ARHGEF10: variants seen among roughly 807,000 people sequenced by gnomAD.
ARHGEF10 encodes the protein Rho guanine nucleotide exchange factor 10.
A neutral mutation model predicts 147.4 loss-of-function variants in ARHGEF10; 140 were observed. The observed-to-expected ratio is 0.95, with a 90% CI of 0.83 to 1.09. The LOEUF (loss-of-function observed/expected upper bound fraction) is 1.09, where lower values mean the gene tolerates loss of function less well. Ranked by LOEUF, ARHGEF10 falls within the 50% of genes least tolerant of loss-of-function variation. ARHGEF10 has a pLI of 0.00. For missense variants in ARHGEF10, 2,222 were observed against 1,752.7 expected, an observed-to-expected ratio of 1.27 and a Z score of -4.78; for synonymous variants, 902 against 695.8, an observed-to-expected ratio of 1.30 and a Z score of -4.67.
chr8:1,943,409 G>A (rs902855828), intron 26 of ARHGEF10, among the ~76,000 whole-genome samples: 1 of 152,144 alleles, frequency 6.6e-6, no homozygotes, highest in African/African-American at 2.4e-5. Context: ...TCAGGGAAGT[G>A]TGGGCCTGCA....
chr8:1,946,649 G>C (rs527690384), intron 27 of ARHGEF10, among the ~76,000 whole-genome samples: 3 of 152,190 alleles, frequency 2.0e-5, no homozygotes, highest in Non-Finnish European at 2.9e-5. Context: ...ATCCCACTGC[G>C]GGCAGGGCTT....
chr8:1,922,108 C>T lies in ARHGEF10; in HGVS notation c.2144-856C>T, dbSNP rs191964246. On this transcript the variant is annotated intron_variant, in intron 18 of 28. Transcript: ENST00000349830. The stretch of plus-strand genomic sequence containing the variant: ...AATCTGTCCTCTGAGCCTGTGGGCC[C>T]GTCGTGGGATTTAGTGAGGAAGTAT... 2.7e-3 allele frequency among the ~76,000 whole-genome samples: 404 copies of T among 152,020 alleles called. 3 individuals are homozygous for T. The highest frequency in any genetic ancestry group is 9.2e-3 in the African/African-American group (383 of 41,460).
chr8:1,952,711 A>G lies in ARHGEF10; in HGVS notation c.3404A>G (p.Gln1135Arg), dbSNP rs1450135407. 14 of 1,613,004 alleles carry G rather than the reference A, an allele frequency of 8.7e-6. No homozygotes were observed. Among genetic ancestry groups the G allele is most frequent in the African/African-American group, 1.3e-5 (1 of 75,058 alleles). ...TPVHNMLPGHQRLSVTSLLVC... is the reference protein window; with the variant it reads ...TPVHNMLPGHRRLSVTSLLVC... ...CTCATGTCTTTCCGCCCAGGGCACC[A>G]GCGGCTGTCGGTGACGAGCCTGCTC... The change falls in exon 28 of 29, where the codon CAG becomes CGG. Residue 1135 changes from glutamine (Q) to arginine (R), a missense_variant. Gln to Arg is a conservative substitution (Grantham distance 43, BLOSUM62 1). Transcript: ENST00000349830.
rs1208585787 is a variant in ARHGEF10 at position 1,948,958 on chromosome 8, G to A, written c.3397+3303G>A. Among the ~76,000 whole-genome samples, 3 of 151,968 alleles carry A rather than the reference G, an allele frequency of 2.0e-5. No individual in the cohort carries two copies. Among genetic ancestry groups the A allele is most frequent in the South Asian group, 2.1e-4 (1 of 4,812 alleles). ...CACACATGTCCTCTGTGCTCTGTTC[G>A]CACACACACAAAACCTTCATTCTAG... On this transcript the variant is annotated intron_variant, in intron 27 of 28. Coordinates refer to ENST00000349830, the MANE Select transcript of ARHGEF10 (RefSeq NM_014629.4). This position sits in a 1 kb window ranked among gnomAD's most constrained non-coding sequence, Gnocchi z 4.9.
chr8:1,825,541 G>T (rs549555605), intron 1 of ARHGEF10, among the ~76,000 whole-genome samples: 60 of 149,592 alleles, frequency 4.0e-4, no homozygotes, highest in African/African-American at 9.2e-4. Flanking sequence ...CAGCCCGCTG[G>T]TGCCCAAGAA....
chr8:1,843,487 C>G (rs769792880), intron 2 of ARHGEF10, 51 bp downstream of exon 2: 1 of 1,418,940 alleles, frequency 7.0e-7, no homozygotes, highest in South Asian at 1.2e-5. Context: ...CTGCTGCTCT[C>G]ATCAAGGACG....
At chr8:1,905,331 CT>C (rs1194167451) in intron 16 of ARHGEF10, among the ~76,000 whole-genome samples, 2 of 152,130 alleles carry the variant, frequency 1.3e-5, no homozygotes, top group African/African-American at 4.8e-5. Flanking sequence ...AAAACAATTC[CT>C]TGCATTCCTC....
chr8:1,882,613 C>A (rs1358374277), intron 9 of ARHGEF10, 22 bp from the exon 10 acceptor site: 2 of 1,547,066 alleles, frequency 1.3e-6, no homozygotes, highest in South Asian at 2.4e-5. Context: ...GTCCCGTTCT[C>A]ACATCTCCCT....
chr8:1,840,170 C>T (rs1435325160), intron 1 of ARHGEF10, among the ~76,000 whole-genome samples: 2 of 136,000 alleles, frequency 1.5e-5, no homozygotes, highest in Non-Finnish European at 3.1e-5. Flanking sequence ...GGTGTGCAAG[C>T]TGTCCGATAT....
intron 1 of ARHGEF10, among the ~76,000 whole-genome samples, chr8:1,833,303 G>A (rs1200734846): frequency 1.3e-4 from 15 of 119,204 alleles, no homozygotes; most frequent in Admixed American, 8.6e-4. Flanking sequence ...CAGAGACAGA[G>A]GCAGAGACAG....
In ARHGEF10 at chr8:1,871,448, TGAA is replaced by T. The variant is rs1807117520; in HGVS notation, c.679+2199_679+2201del. On this transcript the variant is annotated intron_variant, in intron 7 of 28. Coordinates refer to ENST00000349830, the MANE Select transcript of ARHGEF10 (RefSeq NM_014629.4). The stretch of plus-strand genomic sequence containing the variant: ...AAATGGAAATGAAAATATTTTGTCT[TGAA>T]TAATAATAAAAACATTACATAAACT... Among the ~76,000 whole-genome samples, 4 of 152,176 alleles carry T rather than the reference TGAA, an allele frequency of 2.6e-5. 1 individual carries two copies. In the South Asian group the frequency reaches 8.3e-4, roughly 32 times the overall value.
At chr8:1,945,335 T>C in intron 26 of ARHGEF10, 146 bp from the exon 27 acceptor site, 1 of 991,586 alleles carries the variant, frequency 1.0e-6, no homozygotes, top group Non-Finnish European at 1.5e-6. Context: ...GGTGTTTGGT[T>C]GCTGGAGACG....
intron 26 of ARHGEF10, among the ~76,000 whole-genome samples, chr8:1,943,214 T>G (rs899670017): frequency 5.9e-5 from 9 of 152,218 alleles, no homozygotes; most frequent in Admixed American, 5.9e-4. Context: ...CAGGCTTTTC[T>G]TCCTTTTCTT....
chr8:1,858,222 A>C (rs559487739), intron 3 of ARHGEF10, 107 bp downstream of exon 3: 10 of 1,048,910 alleles, frequency 9.5e-6, no homozygotes, highest in African/African-American at 1.6e-5. Context: ...GTGAGTCCCC[A>C]GGTGAGTCCC....
At position 1,924,978 on chromosome 8, in the gene ARHGEF10, G is replaced by A. The variant is rs368517151; in HGVS notation, c.2489-305G>A. 1.1e-4 allele frequency among the ~76,000 whole-genome samples: 16 copies of A among 152,370 alleles called. No individual in the cohort carries two copies. In the South Asian group the frequency reaches 3.3e-3, roughly 32 times the overall value. ...AAAAACTGGAGAAAGATAAAGGGAA[G>A]TGGACCTATGTGGTTTATACAGCGA... On this transcript the variant is annotated intron_variant, in intron 21 of 28. Coordinates refer to ENST00000349830, the MANE Select transcript of ARHGEF10 (RefSeq NM_014629.4).
At chr8:1,923,102 T>A in intron 19 of ARHGEF10, 23 bp downstream of exon 19, 1 of 1,513,598 alleles carries the variant, frequency 6.6e-7, no homozygotes, top group East Asian at 2.3e-5. Flanking sequence ...GCAATTGGAT[T>A]TAAGATTCTG....
At chr8:1,847,418 C>A (rs1016127639) in intron 2 of ARHGEF10, among the ~76,000 whole-genome samples, 2 of 152,204 alleles carry the variant, frequency 1.3e-5, no homozygotes, top group African/African-American at 4.8e-5. Context: ...AAGCCTTTCT[C>A]TAATTAGTAG....
Position 1,928,460 on chromosome 8 carries a change from G to A in ARHGEF10, c.2731G>A (p.Ala911Thr). 1.3e-6 allele frequency: 2 copies of A among 1,569,314 alleles called. No individual in the cohort carries two copies. Among genetic ancestry groups the A allele is most frequent in the Middle Eastern group, 1.7e-4 (1 of 5,772 alleles). ...GSCTHQMGQI[A>T]IVSFQNSTPK... ...TTGCACCCATCAAATGGGTCAGATT[G>A]CCATCGTCTCGTTTCAAAATTCCAC... The change falls in exon 24 of 29, where the codon GCC becomes ACC. Residue 911 changes from alanine (A) to threonine (T), a missense_variant. Transcript: ENST00000349830.
At chr8:1,873,219 G>A (rs1373507118) in intron 7 of ARHGEF10, among the ~76,000 whole-genome samples, 1 of 152,230 alleles carries the variant, frequency 6.6e-6, no homozygotes, top group Non-Finnish European at 1.5e-5. Context: ...GATGCTCTGT[G>A]CAGAGCTGTT....
Sources: allele counts gnomAD v4.1 joint callset (sites outside exome capture counted in the v4.1 genomes callset), GRCh38; gene constraint gnomAD v4.1.1; non-coding constraint Gnocchi (gnomAD v3.1); transcripts MANE v1.5; gene names NCBI Gene and HGNC (gene_info 2026-07-23, HGNC 2026-07-21).